The following CTNNA3 variants were observed in gnomAD, a reference collection of about 807,000 sequenced individuals.
CTNNA3 encodes the protein catenin alpha-3.
A neutral mutation model predicts 95.7 loss-of-function variants in CTNNA3; 76 were observed. The observed-to-expected ratio is 0.79, with a 90% CI of 0.66 to 0.96. The LOEUF is 0.96. Ranked by LOEUF, CTNNA3 falls within the 40% of genes least tolerant of loss-of-function variation. The pLI is 0.00. For missense variants in CTNNA3, 1,191 were observed against 1,089.8 expected (o/e 1.09, Z -1.31); for synonymous variants, 431 against 374.4 (o/e 1.15, Z -1.74).
At chr10:66,842,913 A>C (rs894813548) in intron 7 of CTNNA3, among the ~76,000 whole-genome samples, 5 of 152,122 alleles carry the variant, frequency 3.3e-5, no homozygotes, top group Non-Finnish European at 5.9e-5. Flanking sequence ...TCAAACCAGG[A>C]AGCGCTTGGC....
intron 10 of CTNNA3, among the ~76,000 whole-genome samples, chr10:66,613,961 A>T (rs1266364669): frequency 6.6e-6 from 1 of 152,054 alleles, no homozygotes; most frequent in Non-Finnish European, 1.5e-5. Flanking sequence ...TTAGAAAATT[A>T]AGTGCTTTCA....
rs1173850034 is a variant in CTNNA3, at chr10:67,726,268, TTA to T, written c.-2+37164_-2+37165del. The stretch of plus-strand genomic sequence containing the variant: ...ATTATATATAATATTGTATTACATA[TTA>T]TATATATTATATTACATATTATATA... On this transcript the variant is annotated intron_variant, in intron 1 of 17. Coordinates refer to the CTNNA3 transcript ENST00000684154. 1.6e-4 allele frequency among the ~76,000 whole-genome samples: 11 copies of T among 69,096 alleles called. No homozygotes were observed. In the South Asian group the frequency reaches 2.5e-3, roughly 16 times the overall value. 45.3% of individuals were successfully genotyped at this position (69,096 alleles called of 152,430 possible).
intron 4 of CTNNA3, among the ~76,000 whole-genome samples, chr10:67,538,062 A>G (rs1243234375): frequency 6.6e-6 from 1 of 151,722 alleles, no homozygotes; most frequent in Non-Finnish European, 1.5e-5. Flanking sequence ...GAAGCAAGTA[A>G]CAGAAACCTT....
chr10:67,750,557 G>A, intron 1 of CTNNA3: 1 of 1,578,824 alleles, frequency 6.3e-7, no homozygotes, highest in Non-Finnish European at 8.7e-7. Flanking sequence ...TGTGAGGAAA[G>A]CCTTTGAGAA....
chr10:65,988,217 G>T lies in CTNNA3; in HGVS notation c.2265+475C>A, dbSNP rs2078467631. Among the ~76,000 whole-genome samples the T allele has an allele frequency of 2.0e-5, 3 of 152,054 alleles. No homozygotes were observed. The South Asian group carries it at 6.2e-4, about 32-fold the overall frequency. ...AAACAAAGAAATGATAGATGTTTGA[G>T]GAATAGTATATGCTCATTACCTAAT... On this transcript the variant is annotated intron_variant, in intron 16 of 17. Transcript: ENST00000433211.
At chr10:66,084,154 A>AT in intron 14 of CTNNA3, among the ~76,000 whole-genome samples, 1 of 141,342 alleles carries the variant, frequency 7.1e-6, no homozygotes, top group East Asian at 2.2e-4. Flanking sequence ...AAAAGAAAAA[A>AT]AAAGAAAAAG....
chr10:67,628,681 A>G (rs767392361), intron 2 of CTNNA3, among the ~76,000 whole-genome samples: 1 of 152,136 alleles, frequency 6.6e-6, no homozygotes, highest in Non-Finnish European at 1.5e-5. Context: ...ATGTGTTCCA[A>G]AACTGTATGA....
At chr10:67,726,362 T>C (rs1490951896) in intron 1 of CTNNA3, among the ~76,000 whole-genome samples, 2 of 67,236 alleles carry the variant, frequency 3.0e-5, no homozygotes, top group African/African-American at 1.3e-4. Context: ...ATATATGATA[T>C]AATATATGAT....
intron 11 of CTNNA3, among the ~76,000 whole-genome samples, chr10:66,492,929 A>C (rs541314431): frequency 5.9e-5 from 9 of 152,270 alleles, no homozygotes; most frequent in South Asian, 2.1e-4. Flanking sequence ...ATTTCTCACC[A>C]TCTGGCCTAA....
chr10:66,676,677 C>T (rs1846867723), intron 9 of CTNNA3, among the ~76,000 whole-genome samples: 1 of 151,996 alleles, frequency 6.6e-6, no homozygotes, highest in Non-Finnish European at 1.5e-5. Flanking sequence ...TTAGTAATGC[C>T]ATATTTTCCA....
intron 5 of CTNNA3, among the ~76,000 whole-genome samples, chr10:67,390,895 G>A (rs1421607172): frequency 1.3e-5 from 2 of 150,380 alleles, no homozygotes; most frequent in Non-Finnish European, 3.0e-5. Context: ...AGGTATTGAT[G>A]GGACGTATTT....
chr10:66,129,591 G>A (rs2082991551), intron 13 of CTNNA3, among the ~76,000 whole-genome samples: 1 of 152,150 alleles, frequency 6.6e-6, no homozygotes, highest in Non-Finnish European at 1.5e-5. Flanking sequence ...AGATGGGGTT[G>A]ATTAGACCTG....
chr10:66,157,272 T>C (rs548552340), intron 13 of CTNNA3, among the ~76,000 whole-genome samples: 2 of 152,128 alleles, frequency 1.3e-5, no homozygotes, highest in African/African-American at 4.8e-5. Context: ...AGTTCTCATA[T>C]ATCAGTGAGA....
intron 1 of CTNNA3, among the ~76,000 whole-genome samples, chr10:67,755,802 C>CAAAAAAAAAAAAAAAAAAAAAAAAAAAAA (rs201336788): frequency 1.7e-5 from 1 of 58,738 alleles, no homozygotes. Flanking sequence ...GTCTCTGCCT[C>CAAAAAAAAAAAAAAAAAAAAAAAAAAAAA]AAAAAAAAAA....
intron 9 of CTNNA3, among the ~76,000 whole-genome samples, chr10:66,750,355 C>T (rs562027389): frequency 1.1e-4 from 16 of 152,282 alleles, no homozygotes; most frequent in African/African-American, 3.9e-4. Flanking sequence ...TTGCAGTTTA[C>T]ATTTAAGTCT....
chr10:66,628,646 G>A (rs2132336841), intron 9 of CTNNA3, among the ~76,000 whole-genome samples: 1 of 152,216 alleles, frequency 6.6e-6, no homozygotes, highest in Admixed American at 6.5e-5. Context: ...GAAATAAATG[G>A]CAGTTCATAA....
At chr10:67,512,783 G>A (rs1480234795) in intron 5 of CTNNA3, among the ~76,000 whole-genome samples, 3 of 151,452 alleles carry the variant, frequency 2.0e-5, no homozygotes, top group East Asian at 1.9e-4. Flanking sequence ...TCAAGAGATC[G>A]ATACCATCCT....
rs117572962 is a variant in CTNNA3, at chr10:67,594,007, T to C, written c.292+12850A>G. On this transcript the variant is annotated intron_variant, in intron 3 of 17. Transcript: ENST00000433211. ...TATTGAAAGCCTTTTCTGTATCTAT[T>C]GAGATGATCGTGTGTTGTCTTTTAG... Among the ~76,000 whole-genome samples the C allele has an allele frequency of 0.029, 4,453 of 152,304 alleles. 455 individuals are homozygous for C. In the East Asian group the frequency reaches 0.37, roughly 13 times the overall value.
At chr10:66,782,314 A>T (rs1202528052) in intron 7 of CTNNA3, among the ~76,000 whole-genome samples, 2 of 152,122 alleles carry the variant, frequency 1.3e-5, no homozygotes, top group Non-Finnish European at 2.9e-5. Flanking sequence ...CCAATGTCAC[A>T]CTTGGGTTTC....
Sources: gnomAD v4.1 joint callset for allele counts (sites outside exome capture counted in the v4.1 genomes callset) on GRCh38, gnomAD v4.1.1 for gene constraint, MANE v1.5 for transcripts, NCBI Gene and HGNC (gene_info 2026-07-23, HGNC 2026-07-21) for gene names.